The following PTPRA variants were observed in gnomAD, a reference collection of about 807,000 sequenced individuals.
PTPRA encodes the protein receptor-type tyrosine-protein phosphatase alpha.
Under a neutral mutation model 104.8 loss-of-function variants are expected in PTPRA, and 25 were observed. That is an observed-to-expected ratio of 0.24 (90% CI 0.17 to 0.33). The LOEUF (loss-of-function observed/expected upper bound fraction) is 0.33, where lower values mean the gene tolerates loss of function less well. Ranked by LOEUF, PTPRA falls within the 10% of genes least tolerant of loss-of-function variation. The pLI is 1.00. For missense variants in PTPRA, 765 were observed against 1,015.3 expected, an observed-to-expected ratio of 0.75 and a Z score of 3.35; for synonymous variants, 323 against 368.9, an observed-to-expected ratio of 0.88 and a Z score of 1.43.
In PTPRA at chr20:2,873,571, T is replaced by TGTCGCCCGCCCA. The variant is rs2089492924; in HGVS notation, c.-310_-299dup. On this transcript the variant is annotated 5_prime_UTR_variant, in exon 1 of 24. Transcript: ENST00000399903. This position sits in a 1 kb window ranked among gnomAD's most constrained non-coding sequence, Gnocchi z 4.4. The stretch of plus-strand genomic sequence containing the variant: ...GGACCCCGGCCGCTGCCGCCATCAC[T>TGTCGCCCGCCCA]GTCGCCCGCCCAGTCGCCCCTCAGC... 1 of 151,046 alleles carries TGTCGCCCGCCCA rather than the reference T, an allele frequency of 6.6e-6. No homozygotes were observed. Among genetic ancestry groups the TGTCGCCCGCCCA allele is most frequent in the East Asian group, 2.0e-4 (1 of 5,072 alleles). 9.4% of individuals were successfully genotyped at this position (151,046 alleles called of 1,614,324 possible). A position where few individuals can be genotyped will look rare whatever the true frequency, so the allele number is the denominator to read the frequency against.
At chr20:3,020,202 G>T (rs546076973) in intron 13 of PTPRA, among the ~76,000 whole-genome samples, 2 of 152,254 alleles carry the variant, frequency 1.3e-5, no homozygotes, top group African/African-American at 2.4e-5. Flanking sequence ...TCCGCCTCCC[G>T]GGTTCACACC....
chr20:3,018,469 A>G (rs1467840973), intron 13 of PTPRA, among the ~76,000 whole-genome samples: 1 of 151,600 alleles, frequency 6.6e-6, no homozygotes, highest in African/African-American at 2.4e-5. Context: ...AACAAAGCAC[A>G]TCTTGCACCG....
chr20:2,881,595 A>G (rs2090054143), intron 1 of PTPRA, among the ~76,000 whole-genome samples: 2 of 152,170 alleles, frequency 1.3e-5, no homozygotes, highest in South Asian at 4.1e-4. Context: ...AGCTCACTGC[A>G]GCATTGAACT....
At chr20:2,871,723 T>C (rs1028015812), upstream of PTPRA, among the ~76,000 whole-genome samples, 3 of 152,170 alleles carry the variant, frequency 2.0e-5, no homozygotes, top group Non-Finnish European at 4.4e-5. Context: ...TGTTGCGGGA[T>C]AGATTGAGTT....
At chr20:2,955,191 C>T (rs1325798202) in intron 3 of PTPRA, among the ~76,000 whole-genome samples, 1 of 152,112 alleles carries the variant, frequency 6.6e-6, no homozygotes, top group African/African-American at 2.4e-5. Flanking sequence ...CTGTACTATA[C>T]TTTGGTTTCA....
At chr20:3,007,231 T>TA in intron 10 of PTPRA, 113 bp from the exon 11 acceptor site, 2 of 994,108 alleles carry the variant, frequency 2.0e-6, no homozygotes, top group Non-Finnish European at 3.0e-6. Flanking sequence ...GGCATCTTTA[T>TA]ACAAGCGTGA....
chr20:2,923,143 TA>T, intron 1 of PTPRA, 63 bp from the exon 2 acceptor site: 1 of 712,062 alleles, frequency 1.4e-6, no homozygotes, highest in Non-Finnish European at 1.9e-6. Context: ...CTTGAATTCC[TA>T]AGCTAGAACA....
chr20:2,922,247 G>A (rs1277660086), intron 1 of PTPRA, among the ~76,000 whole-genome samples: 3 of 152,068 alleles, frequency 2.0e-5, no homozygotes, highest in Non-Finnish European at 4.4e-5. Flanking sequence ...TGTGGCTCCT[G>A]GAATTTTAAG....
At chr20:2,944,127 G>T (rs539005263) in intron 2 of PTPRA, among the ~76,000 whole-genome samples, 8 of 145,030 alleles carry the variant, frequency 5.5e-5, no homozygotes, top group African/African-American at 1.8e-4. Flanking sequence ...TGTAACCTCC[G>T]CCTCCCAGGC....
chr20:2,933,063 C>CT (rs1210780038), intron 2 of PTPRA, among the ~76,000 whole-genome samples: 1 of 152,154 alleles, frequency 6.6e-6, no homozygotes, highest in African/African-American at 2.4e-5. Flanking sequence ...GCATTATAGA[C>CT]TAAGTCCCAA....
At chr20:2,919,427 G>C (rs1486073090) in intron 1 of PTPRA, among the ~76,000 whole-genome samples, 1 of 152,160 alleles carries the variant, frequency 6.6e-6, no homozygotes, top group Non-Finnish European at 1.5e-5. Context: ...CATGGTGGTG[G>C]AATTTCTGTG....
chr20:3,033,792 G>A (rs1049373612), intron 20 of PTPRA, among the ~76,000 whole-genome samples: 1 of 151,496 alleles, frequency 6.6e-6, no homozygotes, highest in African/African-American at 2.4e-5. Context: ...CTCAGCTACT[G>A]GGGAGGCTGA....
At chr20:3,025,124 A>G (rs2065068227) in intron 17 of PTPRA, among the ~76,000 whole-genome samples, 1 of 152,196 alleles carries the variant, frequency 6.6e-6, no homozygotes, top group African/African-American at 2.4e-5. Flanking sequence ...ATGGTTCTCA[A>G]CACACCTAAG....
At chr20:2,872,155 G>A (rs557076629), upstream of PTPRA, among the ~76,000 whole-genome samples, 1 of 151,956 alleles carries the variant, frequency 6.6e-6, no homozygotes, top group African/African-American at 2.4e-5. The surrounding 1 kb of genome is among the most constrained non-coding windows in gnomAD (Gnocchi z 7.9). Flanking sequence ...ACGGAGGAGT[G>A]GGGCACAGAG....
In PTPRA at chr20:3,007,213, G is replaced by A. The variant is rs2063916803; in HGVS notation, c.830-131G>A. The A allele has an allele frequency of 3.1e-5, 25 of 794,788 alleles. 1 individual carries two copies. In the South Asian group the frequency reaches 4.4e-4, roughly 14 times the overall value. 49.2% of individuals were successfully genotyped at this position (794,788 alleles called of 1,614,324 possible). ...GCTGTTATACTGTTGGAGTTATATT[G>A]TTGGAGTGGCATCTTTATACAAGCG... On this transcript the variant is annotated intron_variant, in intron 10 of 23. Transcript: ENST00000399903.
chr20:3,005,067 A>G lies in PTPRA; in HGVS notation c.750A>G (p.Ala250=), dbSNP rs776753148. 6 of 1,606,514 alleles carry G rather than the reference A, an allele frequency of 3.7e-6. No homozygotes were observed. In the Admixed American group the frequency reaches 6.7e-5, roughly 18 times the overall value. ...TCTTAACCTTTCAGGCTCTCCCTGC[A>G]TGTCCTATCCAGGCCACCTGTGAGG... The part of the protein sequence containing the change: ...LFREEFNALP[A]CPIQATCEAA... Residue 250 remains alanine, a synonymous_variant, in exon 10 of 24, where the codon GCA becomes GCG. Transcript: ENST00000399903.
At chr20:2,919,377 TAAAG>T (rs1301071824) in intron 1 of PTPRA, among the ~76,000 whole-genome samples, 5 of 152,260 alleles carry the variant, frequency 3.3e-5, no homozygotes, top group East Asian at 1.9e-4. Context: ...TGCCTTAGAA[TAAAG>T]AAAGATTCAA....
chr20:3,013,457 G>T (rs903044077), intron 11 of PTPRA, among the ~76,000 whole-genome samples: 24 of 146,964 alleles, frequency 1.6e-4, no homozygotes, highest in African/African-American at 5.8e-4. Context: ...CACTCTTGTT[G>T]CCCAGGCTGG....
At chr20:2,870,692 C>T (rs1420285384), upstream of PTPRA, among the ~76,000 whole-genome samples, 4 of 152,166 alleles carry the variant, frequency 2.6e-5, no homozygotes, top group Non-Finnish European at 5.9e-5. Flanking sequence ...AATGACTTGC[C>T]TAAAGAAACA....
Sources: allele counts gnomAD v4.1 joint callset (sites outside exome capture counted in the v4.1 genomes callset), GRCh38; gene constraint gnomAD v4.1.1; non-coding constraint Gnocchi (gnomAD v3.1); transcripts MANE v1.5; gene names NCBI Gene and HGNC (gene_info 2026-07-23, HGNC 2026-07-21).